Variants in NKAIN2 observed in about 807,000 individuals in gnomAD.
NKAIN2 encodes the protein sodium/potassium transporting ATPase interacting 2.
A neutral mutation model predicts 32.6 loss-of-function variants in NKAIN2; 14 were observed. The observed-to-expected ratio is 0.43, with a 90% CI of 0.28 to 0.67. The LOEUF is 0.67. Among genes scored for constraint, NKAIN2 ranks in the 30% least tolerant of loss-of-function variants. The probability of loss-of-function intolerance (pLI) is 0.17; values close to 1 mark genes in which losing one functional copy is unlikely to be tolerated. For missense variants in NKAIN2, 198 were observed against 258.3 expected (o/e 0.77, Z 1.60); for synonymous variants, 80 against 87.2 (o/e 0.92, Z 0.46).
chr6:124,644,679 A>G (rs1249680310), intron 3 of NKAIN2, among the ~76,000 whole-genome samples: 2 of 152,130 alleles, frequency 1.3e-5, no homozygotes, highest in Non-Finnish European at 2.9e-5. Flanking sequence ...TGCTGGGATT[A>G]TATGGCATGA....
chr6:124,059,013 T>C (rs1229724921), intron 1 of NKAIN2, among the ~76,000 whole-genome samples: 1 of 151,960 alleles, frequency 6.6e-6, no homozygotes. Context: ...AAGCTGAGAA[T>C]ATATTGGGCA....
At chr6:123,929,015 A>G (rs563181402) in intron 1 of NKAIN2, among the ~76,000 whole-genome samples, 1 of 152,112 alleles carries the variant, frequency 6.6e-6, no homozygotes, top group Non-Finnish European at 1.5e-5. Context: ...TCCACACTAC[A>G]TGTTCCTACC....
intron 3 of NKAIN2, among the ~76,000 whole-genome samples, chr6:124,405,361 A>T (rs1007045944): frequency 6.6e-6 from 1 of 152,066 alleles, no homozygotes; most frequent in African/African-American, 2.4e-5. Context: ...ATAATGATGT[A>T]CAGTTTTTGT....
intron 1 of NKAIN2, among the ~76,000 whole-genome samples, chr6:123,864,677 G>A (rs1444834099): frequency 6.6e-6 from 1 of 152,098 alleles, no homozygotes; most frequent in African/African-American, 2.4e-5. Context: ...TTTGGGCAGA[G>A]GGAACAATAA....
chr6:123,944,243 T>C (rs1776965249), intron 1 of NKAIN2, among the ~76,000 whole-genome samples: 2 of 152,076 alleles, frequency 1.3e-5, no homozygotes, highest in African/African-American at 4.8e-5. Context: ...AGTTCTGCCA[T>C]CCCAACCTGG....
chr6:123,982,471 A>G (rs1778943669), intron 1 of NKAIN2, among the ~76,000 whole-genome samples: 1 of 152,164 alleles, frequency 6.6e-6, no homozygotes, highest in African/African-American at 2.4e-5. Context: ...TTTTGAACAC[A>G]GAATGAAGAA....
At chr6:124,564,522 C>G (rs912661167) in intron 3 of NKAIN2, among the ~76,000 whole-genome samples, 25 of 152,170 alleles carry the variant, frequency 1.6e-4, no homozygotes, top group Admixed American at 1.4e-3. Context: ...GAGCAACCTG[C>G]TCGGGTCCCA....
chr6:124,471,123 C>G (rs910876500), intron 3 of NKAIN2, among the ~76,000 whole-genome samples: 1 of 152,146 alleles, frequency 6.6e-6, no homozygotes, highest in Non-Finnish European at 1.5e-5. Flanking sequence ...AGTTTGCCAA[C>G]TCCTGGGTTG....
At chr6:123,990,096 T>G (rs1779346888) in intron 1 of NKAIN2, among the ~76,000 whole-genome samples, 1 of 152,126 alleles carries the variant, frequency 6.6e-6, no homozygotes, top group Non-Finnish European at 1.5e-5. Context: ...GCAAGCAGGA[T>G]AAATGCCAGA....
At chr6:123,853,041 A>T (rs1003541306) in intron 1 of NKAIN2, among the ~76,000 whole-genome samples, 2 of 152,230 alleles carry the variant, frequency 1.3e-5, no homozygotes, top group African/African-American at 4.8e-5. Context: ...ATCATCATTG[A>T]TGTTTCCTAA....
At chr6:124,740,703 C>T (rs927631929) in intron 4 of NKAIN2, among the ~76,000 whole-genome samples, 2 of 151,432 alleles carry the variant, frequency 1.3e-5, no homozygotes, top group East Asian at 3.9e-4. Flanking sequence ...GTGAGTTTGC[C>T]GTTCTAAGAA....
chr6:123,981,030 C>T (rs543984857), intron 1 of NKAIN2, among the ~76,000 whole-genome samples: 93 of 152,036 alleles, frequency 6.1e-4, no homozygotes, highest in African/African-American at 2.1e-3. Flanking sequence ...CCACCATGCC[C>T]GGCTATTTTT....
intron 1 of NKAIN2, among the ~76,000 whole-genome samples, chr6:124,192,526 T>G (rs1437785868): frequency 6.6e-6 from 1 of 152,178 alleles, no homozygotes; most frequent in Non-Finnish European, 1.5e-5. Flanking sequence ...TCTATTTTGG[T>G]GAATATTCTC....
chr6:124,138,067 C>A (rs1786914003), intron 1 of NKAIN2, among the ~76,000 whole-genome samples: 1 of 152,056 alleles, frequency 6.6e-6, no homozygotes, highest in African/African-American at 2.4e-5. Context: ...AAATAGACAA[C>A]CCACAGAGTA....
At chr6:124,037,841 A>G (rs756762764) in intron 1 of NKAIN2, among the ~76,000 whole-genome samples, 1 of 152,160 alleles carries the variant, frequency 6.6e-6, no homozygotes, top group Non-Finnish European at 1.5e-5. Context: ...GCAACAGTCA[A>G]CTTCAAAGGG....
intron 3 of NKAIN2, among the ~76,000 whole-genome samples, chr6:124,594,750 G>C (rs1782023710): frequency 6.6e-6 from 1 of 152,098 alleles, no homozygotes; most frequent in Non-Finnish European, 1.5e-5. Flanking sequence ...AGGAGCAAGA[G>C]AGAGGACAGT....
intron 1 of NKAIN2, among the ~76,000 whole-genome samples, chr6:123,849,522 C>T (rs1775227802): frequency 6.6e-6 from 1 of 152,164 alleles, no homozygotes; most frequent in African/African-American, 2.4e-5. Flanking sequence ...GTCCCTACCC[C>T]TGTTAGTCAT....
chr6:124,605,177 G>A (rs1782452267), intron 3 of NKAIN2, among the ~76,000 whole-genome samples: 1 of 151,964 alleles, frequency 6.6e-6, no homozygotes, highest in South Asian at 2.1e-4. Flanking sequence ...AAAATGTTTT[G>A]TAGAAACAAA....
chr6:123,837,497 C>G (rs1774679915), intron 1 of NKAIN2, among the ~76,000 whole-genome samples: 1 of 152,128 alleles, frequency 6.6e-6, no homozygotes, highest in Non-Finnish European at 1.5e-5. Context: ...TATCCAGAAT[C>G]CAACTACTTC....
Sources: gnomAD v4.1 joint callset for allele counts (sites outside exome capture counted in the v4.1 genomes callset) on GRCh38, gnomAD v4.1.1 for gene constraint, MANE v1.5 for transcripts, NCBI Gene and HGNC (gene_info 2026-07-23, HGNC 2026-07-21) for gene names.